The following ETV1 variants were observed in gnomAD, a reference collection of about 807,000 sequenced individuals.
The protein encoded by ETV1 is ETS translocation variant 1.
ETV1 carries 27 observed loss-of-function variants against 62.3 expected under a neutral mutation model. The observed-to-expected ratio is 0.43, with a 90% confidence interval of 0.32 to 0.60. The LOEUF (loss-of-function observed/expected upper bound fraction) is 0.60, where lower values mean the gene tolerates loss of function less well. Among genes scored for constraint, ETV1 ranks in the 20% least tolerant of loss-of-function variants. The pLI is 0.06. For missense variants in ETV1, 605 were observed against 605.8 expected (o/e 1.00, Z 0.01); for synonymous variants, 222 against 199.6 (o/e 1.11, Z -0.94).
intron 5 of ETV1, among the ~76,000 whole-genome samples, chr7:13,978,728 TA>T (rs1781695048): frequency 2.6e-5 from 4 of 151,868 alleles, no homozygotes; most frequent in African/African-American, 7.2e-5. Flanking sequence ...AAATTTTATA[TA>T]AAAAAGAATA....
intron 5 of ETV1, 44 bp from the exon 6 acceptor site, chr7:13,977,524 G>A (rs1473880366): frequency 1.4e-5 from 18 of 1,309,088 alleles, no homozygotes; most frequent in Non-Finnish European, 1.6e-5. Context: ...GAGAGAAACT[G>A]CCAAAAGCAT....
intron 9 of ETV1, among the ~76,000 whole-genome samples, chr7:13,914,470 G>A (rs1404006944): frequency 6.6e-6 from 1 of 151,922 alleles, no homozygotes; most frequent in Non-Finnish European, 1.5e-5. Flanking sequence ...AAGCAACAAA[G>A]CCCTGTTGTC....
At chr7:13,938,658 G>A (rs1039291859) in intron 7 of ETV1, among the ~76,000 whole-genome samples, 1 of 152,180 alleles carries the variant, frequency 6.6e-6, no homozygotes, top group South Asian at 2.1e-4. Context: ...AATAGCCTCT[G>A]CTAAGCCTTA....
At chr7:13,924,572 C>A (rs754685346) in intron 9 of ETV1, among the ~76,000 whole-genome samples, 6 of 152,174 alleles carry the variant, frequency 3.9e-5, no homozygotes, top group Non-Finnish European at 7.3e-5. Context: ...AGTGAAAGCA[C>A]ACCTCGTATC....
At chr7:13,907,679 T>C (rs1783111892) in intron 11 of ETV1, 2 of 309,094 alleles carry the variant, frequency 6.5e-6, no homozygotes, top group East Asian at 8.1e-5. Context: ...TGTTAGTGCA[T>C]AAATTGCTCT....
At chr7:13,940,288 G>A (rs1222489903) in intron 6 of ETV1, among the ~76,000 whole-genome samples, 1 of 151,004 alleles carries the variant, frequency 6.6e-6, no homozygotes, top group Non-Finnish European at 1.5e-5. Context: ...CTTGAACCCA[G>A]AAGGTGGAGG....
At chr7:13,943,939 G>A (rs1787857216) in intron 6 of ETV1, among the ~76,000 whole-genome samples, 1 of 152,158 alleles carries the variant, frequency 6.6e-6, no homozygotes, top group South Asian at 2.1e-4. Context: ...ATGGCCTTCT[G>A]ACCCAGCTGA....
At chr7:13,908,876 C>G (rs544387259) in intron 11 of ETV1, among the ~76,000 whole-genome samples, 4 of 151,948 alleles carry the variant, frequency 2.6e-5, no homozygotes, top group Non-Finnish European at 5.9e-5. Context: ...TCCTGTCAAA[C>G]GATCAAAGCA....
At chr7:13,975,730 C>T (rs1291659458) in intron 6 of ETV1, among the ~76,000 whole-genome samples, 2 of 151,516 alleles carry the variant, frequency 1.3e-5, no homozygotes, top group African/African-American at 4.8e-5. Flanking sequence ...GAAAATCACG[C>T]CAGTGTGACC....
chr7:13,968,409 A>C (rs1206700020), intron 6 of ETV1, among the ~76,000 whole-genome samples: 1 of 151,824 alleles, frequency 6.6e-6, no homozygotes, highest in African/African-American at 2.4e-5. Context: ...TATGTACCTT[A>C]ACAAGAATAA....
chr7:13,902,105 C>G (rs568887881), intron 12 of ETV1, among the ~76,000 whole-genome samples: 1 of 152,104 alleles, frequency 6.6e-6, no homozygotes, highest in Non-Finnish European at 1.5e-5. Flanking sequence ...GCAGCTGCCA[C>G]GCAAACCTAG....
chr7:13,986,586 C>T (rs1257984448), intron 5 of ETV1, 52 bp downstream of exon 5: 1 of 1,606,184 alleles, frequency 6.2e-7, no homozygotes, highest in East Asian at 2.2e-5. Flanking sequence ...GACTTCTTTT[C>T]TTTCTCCTTC....
At chr7:13,929,659 G>A (rs1277813239) in intron 9 of ETV1, among the ~76,000 whole-genome samples, 2 of 152,096 alleles carry the variant, frequency 1.3e-5, no homozygotes, top group African/African-American at 2.4e-5. Context: ...CTATATATAG[G>A]AGCAATGTGC....
chr7:13,987,338 G>A (rs1271137342), intron 4 of ETV1, among the ~76,000 whole-genome samples: 2 of 152,074 alleles, frequency 1.3e-5, no homozygotes, highest in African/African-American at 4.8e-5. Context: ...TAAATGGTAT[G>A]AAGATTTGAG....
chr7:13,920,441 A>AGTGTGTGTGTGTGTGT lies in ETV1; in HGVS notation c.803-9150_803-9135dup, dbSNP rs4027263. Among the ~76,000 whole-genome samples the AGTGTGTGTGTGTGTGT allele has an allele frequency of 2.9e-3, 435 of 148,530 alleles. 2 individuals are homozygous for AGTGTGTGTGTGTGTGT. The highest frequency in any genetic ancestry group is 9.9e-3 in the African/African-American group (401 of 40,406). On this transcript the variant is annotated intron_variant, in intron 9 of 13. Transcript: ENST00000430479. ...ATGGACATTCCAGAGAGAGTGAGTG[A>AGTGTGTGTGTGTGTGT]GTGTGTGTGTGTGTGTGTGTGTGTG...
chr7:13,988,043 T>C (rs777958557), intron 4 of ETV1, 43 bp downstream of exon 4: 2 of 1,061,884 alleles, frequency 1.9e-6, no homozygotes, highest in Non-Finnish European at 3.0e-6. Flanking sequence ...GGGTGGAGAG[T>C]GTAGGTAAAA....
At chr7:13,928,052 T>C (rs1466190556) in intron 9 of ETV1, among the ~76,000 whole-genome samples, 1 of 152,168 alleles carries the variant, frequency 6.6e-6, no homozygotes, top group Non-Finnish European at 1.5e-5. Flanking sequence ...CGACAAACGA[T>C]GCTGGACTAT....
chr7:13,902,236 T>C (rs117217373), intron 12 of ETV1, among the ~76,000 whole-genome samples: 1 of 152,286 alleles, frequency 6.6e-6, no homozygotes, highest in Non-Finnish European at 1.5e-5. Flanking sequence ...TCATTCTGTC[T>C]CTCTTTGCTT....
chr7:13,909,727 T>C, intron 10 of ETV1, 27 bp from the exon 11 acceptor site: 1 of 1,574,358 alleles, frequency 6.4e-7, no homozygotes, highest in South Asian at 1.1e-5. Flanking sequence ...AATACATTTA[T>C]TCATGATAGA....
Sources: allele counts gnomAD v4.1 joint callset (sites outside exome capture counted in the v4.1 genomes callset), GRCh38; gene constraint gnomAD v4.1.1; transcripts MANE v1.5; gene names NCBI Gene and HGNC (gene_info 2026-07-23, HGNC 2026-07-21).